THADA: variants seen among roughly 807,000 people sequenced by gnomAD.
THADA encodes the protein THADA armadillo repeat containing, also known as tRNA (32-2'-O)-methyltransferase regulator THADA.
THADA carries 213 observed loss-of-function variants against 219.8 expected under a neutral mutation model. That is an observed-to-expected ratio of 0.97 (90% CI 0.87 to 1.09). The LOEUF is 1.09. Among genes scored for constraint, THADA ranks in the 50% least tolerant of loss-of-function variants. The pLI is 0.00. For synonymous variants in THADA, 1,018 were observed against 828.9 expected (o/e 1.23, Z -3.92); for missense variants, 2,956 against 2,311.3 (o/e 1.28, Z -5.72).
chr2:43,329,894 G>A (rs1348855045), intron 30 of THADA, among the ~76,000 whole-genome samples: 3 of 152,192 alleles, frequency 2.0e-5, no homozygotes, highest in East Asian at 1.9e-4. Context: ...TAGAGACTTC[G>A]TTATTTGACA....
chr2:43,404,601 G>C (rs1162676126), intron 28 of THADA, among the ~76,000 whole-genome samples: 3 of 152,132 alleles, frequency 2.0e-5, no homozygotes, highest in Admixed American at 6.5e-5. Context: ...CTCTCCCATA[G>C]CAGCCAGTGC....
chr2:43,251,173 A>T (rs1205070073), intron 36 of THADA, among the ~76,000 whole-genome samples: 1 of 152,136 alleles, frequency 6.6e-6, no homozygotes, highest in East Asian at 1.9e-4. Context: ...TAAGACTCAA[A>T]TGTAAGTGGA....
At chr2:43,488,611 T>C (rs918040832) in intron 25 of THADA, among the ~76,000 whole-genome samples, 1 of 152,238 alleles carries the variant, frequency 6.6e-6, no homozygotes, top group African/African-American at 2.4e-5. Context: ...ATTTCCAATT[T>C]GGAATATTAT....
intron 26 of THADA, among the ~76,000 whole-genome samples, chr2:43,472,513 G>C (rs1685020746): frequency 6.6e-6 from 1 of 152,152 alleles, no homozygotes; most frequent in Non-Finnish European, 1.5e-5. Context: ...ACGGAAAGTT[G>C]GCTTAATTAA....
intron 26 of THADA, among the ~76,000 whole-genome samples, chr2:43,452,093 C>T (rs370193938): frequency 3.5e-4 from 53 of 152,172 alleles, no homozygotes; most frequent in East Asian, 1.5e-3. Flanking sequence ...GGTGACAGAG[C>T]GAGACTCCAT....
At chr2:43,487,395 G>A (rs1687043585) in intron 25 of THADA, among the ~76,000 whole-genome samples, 1 of 152,216 alleles carries the variant, frequency 6.6e-6, no homozygotes, top group Non-Finnish European at 1.5e-5. Context: ...TGGAGATGTT[G>A]AGAAATGCAC....
intron 31 of THADA, among the ~76,000 whole-genome samples, chr2:43,293,455 C>T (rs567088037): frequency 1.2e-4 from 19 of 152,140 alleles, no homozygotes; most frequent in South Asian, 6.2e-4. Flanking sequence ...TTAGAAAATG[C>T]GTTCCTGGCA....
intron 28 of THADA, among the ~76,000 whole-genome samples, chr2:43,421,666 T>C (rs1475941768): frequency 2.0e-5 from 3 of 152,200 alleles, no homozygotes; most frequent in African/African-American, 7.2e-5. Flanking sequence ...AGCCAACATC[T>C]GGAATGGAGA....
intron 6 of THADA, 56 bp from the exon 7 acceptor site, chr2:43,586,505 A>C: frequency 7.0e-7 from 1 of 1,433,410 alleles, no homozygotes; most frequent in African/African-American, 1.4e-5. Context: ...CTCAATTTCA[A>C]TAAAATAAAA....
chr2:43,265,316 C>T (rs1191932858), intron 36 of THADA, among the ~76,000 whole-genome samples: 2 of 152,214 alleles, frequency 1.3e-5, no homozygotes, highest in Admixed American at 6.5e-5. Flanking sequence ...AAAACCACAG[C>T]TTCAAAGTAT....
At position 43,570,374 on chromosome 2, in the gene THADA, A is replaced by C; in HGVS notation, c.2187+14T>G. Reference sequence around the variant, plus strand: ...TTAAAAAAAAACTCTCATGTTTAGAAATATATCACCTACCTTATACTGCTG... The same window carrying C: ...TTAAAAAAAAACTCTCATGTTTAGACATATATCACCTACCTTATACTGCTG... On this transcript the variant is annotated intron_variant, in intron 14 of 37. Transcript: ENST00000405975. 1 of 1,580,546 alleles carries C rather than the reference A, an allele frequency of 6.3e-7. No individual in the cohort carries two copies. Among genetic ancestry groups the C allele is most frequent in the Non-Finnish European group, 8.5e-7 (1 of 1,170,476 alleles).
chr2:43,412,730 C>A (rs1426908128), intron 28 of THADA, among the ~76,000 whole-genome samples: 2 of 152,190 alleles, frequency 1.3e-5, no homozygotes, highest in Non-Finnish European at 2.9e-5. Flanking sequence ...ACTAACCATG[C>A]TATTCTTGGC....
chr2:43,268,013 G>A (rs1042270705), intron 36 of THADA, among the ~76,000 whole-genome samples: 1 of 152,200 alleles, frequency 6.6e-6, no homozygotes, highest in African/African-American at 2.4e-5. Context: ...CAGGAGAGGG[G>A]GAAAGGAACA....
intron 29 of THADA, among the ~76,000 whole-genome samples, chr2:43,386,960 T>C (rs899570143): frequency 6.6e-6 from 1 of 152,082 alleles, no homozygotes; most frequent in Admixed American, 6.5e-5. Flanking sequence ...CCGTTAGATT[T>C]ATCCACGAGT....
At chr2:43,542,398 A>G (rs1271535744) in intron 20 of THADA, among the ~76,000 whole-genome samples, 2 of 152,224 alleles carry the variant, frequency 1.3e-5, no homozygotes, top group African/African-American at 4.8e-5. Flanking sequence ...CTATAATTAC[A>G]TTTATACATT....
At chr2:43,370,075 AAAGCCAC>A (rs1670620323) in intron 29 of THADA, 1 of 152,256 alleles carries the variant, frequency 6.6e-6, no homozygotes, top group Non-Finnish European at 1.5e-5. Context: ...ATTAATCAGT[AAAGCCAC>A]CACTCAGTTC....
intron 36 of THADA, among the ~76,000 whole-genome samples, chr2:43,247,542 A>C (rs1277998874): frequency 2.6e-5 from 4 of 151,892 alleles, no homozygotes; most frequent in Non-Finnish European, 5.9e-5. Context: ...AGGAGTTGCC[A>C]ACATGGTGAA....
intron 36 of THADA, 136 bp from the exon 37 acceptor site, chr2:43,233,018 G>C (rs1667621929): frequency 3.5e-6 from 3 of 865,942 alleles, no homozygotes; most frequent in Non-Finnish European, 5.3e-6. Context: ...CTGGTAGGGT[G>C]GGCTCACTGG....
At chr2:43,434,531 G>C (rs1318876469) in intron 26 of THADA, among the ~76,000 whole-genome samples, 1 of 152,128 alleles carries the variant, frequency 6.6e-6, no homozygotes, top group Admixed American at 6.5e-5. Context: ...GATGACAAGA[G>C]GGGCACATGG....
Sources: allele counts gnomAD v4.1 joint callset (sites outside exome capture counted in the v4.1 genomes callset), GRCh38; gene constraint gnomAD v4.1.1; transcripts MANE v1.5; gene names NCBI Gene and HGNC (gene_info 2026-07-23, HGNC 2026-07-21).